The following NFATC3 variants were observed in gnomAD, a reference collection of about 807,000 sequenced individuals.
The protein encoded by NFATC3 is nuclear factor of activated T cells 3.
In NFATC3, 46 loss-of-function variants were observed where a neutral mutation model predicts 98.6. The observed-to-expected ratio is 0.47, with a 90% CI of 0.37 to 0.60. The LOEUF is 0.60. NFATC3 is among the 20% of genes least tolerant of loss of function. The pLI is 0.00. For synonymous variants in NFATC3, 512 were observed against 472.2 expected (o/e 1.08, Z -1.09); for missense variants, 1,256 against 1,295.5 (o/e 0.97, Z 0.47).
chr16:68,187,485 A>G (rs1275408904), intron 8 of NFATC3, among the ~76,000 whole-genome samples: 1 of 152,142 alleles, frequency 6.6e-6, no homozygotes, highest in African/African-American at 2.4e-5. Flanking sequence ...AGCGGGATGA[A>G]GAGGAGCTTT....
intron 9 of NFATC3, chr16:68,225,369 G>C (rs59437736): frequency 0.047 from 7,094 of 152,172 alleles, 526 homozygotes; most frequent in African/African-American, 0.16. Context: ...CTATGGATTG[G>C]CCTGTTCTGG....
chr16:68,131,508 C>T (rs1742536480), intron 3 of NFATC3, among the ~76,000 whole-genome samples: 1 of 152,144 alleles, frequency 6.6e-6, no homozygotes, highest in South Asian at 2.1e-4. Flanking sequence ...GAACTCCTGA[C>T]CTCAAGTGAT....
intron 1 of NFATC3, among the ~76,000 whole-genome samples, chr16:68,091,491 C>T (rs371762633): frequency 2.0e-5 from 3 of 152,194 alleles, no homozygotes; most frequent in South Asian, 4.1e-4. Context: ...ATTACTTTTT[C>T]TTCAGAGAAA....
chr16:68,202,849 A>T (rs2040986154), intron 9 of NFATC3, among the ~76,000 whole-genome samples: 1 of 151,888 alleles, frequency 6.6e-6, no homozygotes, highest in African/African-American at 2.4e-5. Context: ...AAATAAATAA[A>T]TAAAATTAAA....
At chr16:68,160,333 G>A (rs1205397206) in intron 4 of NFATC3, among the ~76,000 whole-genome samples, 1 of 151,124 alleles carries the variant, frequency 6.6e-6, no homozygotes, top group Admixed American at 6.6e-5. Context: ...GGGCATAGTT[G>A]TCCTGTCTGT....
chr16:68,226,079 A>G (rs886737940), intron 9 of NFATC3: 1 of 288,546 alleles, frequency 3.5e-6, no homozygotes, highest in African/African-American at 2.2e-5. Context: ...GAGTAAGGTG[A>G]ATACTTATTT....
chr16:68,121,361 A>ATG (rs1363697356), intron 1 of NFATC3, among the ~76,000 whole-genome samples: 13 of 139,604 alleles, frequency 9.3e-5, no homozygotes, highest in Non-Finnish European at 1.7e-4. Flanking sequence ...AGAATTATGG[A>ATG]TGTGTTTTTT....
chr16:68,098,307 T>TTTA (rs1555512910), intron 1 of NFATC3, among the ~76,000 whole-genome samples: 9 of 137,868 alleles, frequency 6.5e-5, no homozygotes, highest in East Asian at 4.1e-4. Flanking sequence ...ATTATTTTTT[T>TTTA]TTTTTTTTTT....
At chr16:68,217,795 C>T in intron 9 of NFATC3, 2 of 1,231,520 alleles carry the variant, frequency 1.6e-6, no homozygotes, top group African/African-American at 1.6e-5. Context: ...AGAAGGAGGC[C>T]AAGCAAGTGA....
chr16:68,187,011 G>A (rs564302558), intron 8 of NFATC3, among the ~76,000 whole-genome samples: 30 of 152,314 alleles, frequency 2.0e-4, no homozygotes, highest in African/African-American at 7.0e-4. Context: ...AGCTGCATTC[G>A]GCTCGTGCAA....
intron 6 of NFATC3, among the ~76,000 whole-genome samples, chr16:68,175,428 A>T (rs2039646330): frequency 6.6e-6 from 1 of 152,232 alleles, no homozygotes; most frequent in South Asian, 2.1e-4. Context: ...TATGTGAATT[A>T]TACCTCAATT....
chr16:68,111,011 C>T (rs1382093428), intron 1 of NFATC3, among the ~76,000 whole-genome samples: 2 of 152,146 alleles, frequency 1.3e-5, no homozygotes, highest in African/African-American at 4.8e-5. Context: ...GCGCTGTGGT[C>T]TGAGAGACAG....
intron 6 of NFATC3, among the ~76,000 whole-genome samples, chr16:68,178,687 T>C (rs1362049197): frequency 1.3e-5 from 2 of 152,206 alleles, no homozygotes; most frequent in Admixed American, 1.3e-4. Flanking sequence ...ACATTTTAGG[T>C]GAATAAGGAG....
In NFATC3 at chr16:68,122,541, C is replaced by G; in HGVS notation, c.658C>G (p.Pro220Ala). The change falls in exon 2 of 10, where the codon CCT becomes GCT. Residue 220 changes from proline to alanine, a missense_variant. Around this residue, in one of 3 missense-constraint regions of NFATC3, gnomAD observed 464 missense variants for 465.7 expected, o/e 1.00. Transcript: ENST00000346183. ...TSPGGSPGGC[P>A]GEETWHQQYG... ...TCCTGGTGGCTCTCCAGGGGGCTGC[C>G]CTGGAGAAGAAACTTGGCATCAACA... The G allele has an allele frequency of 6.2e-7, 1 of 1,613,974 alleles. No homozygotes were observed. Among genetic ancestry groups the G allele is most frequent in the Non-Finnish European group, 8.5e-7 (1 of 1,179,982 alleles).
intron 8 of NFATC3, among the ~76,000 whole-genome samples, chr16:68,186,343 C>T (rs2040199946): frequency 6.6e-6 from 1 of 152,002 alleles, no homozygotes; most frequent in Non-Finnish European, 1.5e-5. Context: ...CAAGATCATC[C>T]TGGCTAACAT....
chr16:68,166,183 GT>G (rs1357309398), intron 4 of NFATC3, among the ~76,000 whole-genome samples: 4 of 152,158 alleles, frequency 2.6e-5, no homozygotes, highest in African/African-American at 9.7e-5. Context: ...CAGCTGTCTG[GT>G]TCTAACACTC....
At chr16:68,177,689 C>T (rs933566488) in intron 6 of NFATC3, among the ~76,000 whole-genome samples, 7 of 151,870 alleles carry the variant, frequency 4.6e-5, no homozygotes, top group Non-Finnish European at 7.4e-5. Context: ...CCCCCATCAC[C>T]TCTCTTTTAT....
rs1480133815 is a variant in NFATC3 at position 68,122,114 on chromosome 16, G to A, written c.231G>A (p.Ser77=). Reference sequence around the variant, plus strand: ...CTCACTCTTCTGTTTTGTCACCATCGTTTCAGCTCCAAAGTCACAAAAACT... The same window carrying A: ...CTCACTCTTCTGTTTTGTCACCATCATTTCAGCTCCAAAGTCACAAAAACT... ...LPSHSSVLSP[S]FQLQSHKNYE... Residue 77 remains serine (S), a synonymous_variant, in exon 2 of 10, where the codon TCG becomes TCA. Transcript: ENST00000346183. 2 of 1,613,918 alleles carry A rather than the reference G, an allele frequency of 1.2e-6. No individual in the cohort carries two copies. Among genetic ancestry groups the A allele is most frequent in the South Asian group, 2.2e-5 (2 of 91,068 alleles).
intron 9 of NFATC3, among the ~76,000 whole-genome samples, chr16:68,215,953 G>C (rs1222889595): frequency 3.3e-5 from 5 of 151,932 alleles, no homozygotes; most frequent in Admixed American, 6.6e-5. Context: ...TGGTCTCGAT[G>C]TCCTGACCTC....
Sources: gnomAD v4.1 joint callset for allele counts (sites outside exome capture counted in the v4.1 genomes callset) on GRCh38, gnomAD v4.1.1 for gene constraint, gnomAD v4.1.1 regional missense constraint, MANE v1.5 for transcripts, NCBI Gene and HGNC (gene_info 2026-07-23, HGNC 2026-07-21) for gene names.